The following CYP4F2 variants were observed in gnomAD, a reference collection of about 807,000 sequenced individuals.
CYP4F2 encodes cytochrome P450 4F2.
A neutral mutation model predicts 58.9 loss-of-function variants in CYP4F2; 58 were observed. That is an observed-to-expected ratio of 0.98 (90% CI 0.80 to 1.23). The LOEUF is 1.23. Among genes scored for constraint, CYP4F2 ranks in the 50% most tolerant of loss-of-function variants. The pLI is 0.00. For synonymous variants in CYP4F2, 287 were observed against 261.1 expected, an observed-to-expected ratio of 1.10 and a Z score of -0.95; for missense variants, 616 against 685.6, an observed-to-expected ratio of 0.90 and a Z score of 1.13.
At chr19:15,897,685 G>A in intron 1 of CYP4F2, 73 bp from the exon 2 acceptor site, 1 of 1,564,018 alleles carries the variant, frequency 6.4e-7, no homozygotes, top group South Asian at 1.1e-5. Flanking sequence ...AGGGACAGTG[G>A]AGAGGCAGGG....
At chr19:15,891,480 G>C (rs918795335) in intron 5 of CYP4F2, among the ~76,000 whole-genome samples, 3 of 151,952 alleles carry the variant, frequency 2.0e-5, no homozygotes, top group Non-Finnish European at 2.9e-5. Context: ...AAAAATCCTA[G>C]ATACTTCGCA....
In CYP4F2 at chr19:15,884,725, G is replaced by A. The variant is rs540401593; in HGVS notation, c.1115+1199C>T. On this transcript the variant is annotated intron_variant, in intron 9 of 12. Transcript: ENST00000221700. ...TGCTGTGCTGGGCAAAGGTGTGGAC[G>A]AGAGGACACTGAATCCAAGACATCC... is the stretch of plus-strand genomic sequence containing the variant. 3.3e-5 allele frequency among the ~76,000 whole-genome samples: 5 copies of A among 152,282 alleles called. No homozygotes were observed. In the South Asian group the frequency reaches 8.3e-4, roughly 25 times the overall value.
chr19:15,882,820 T>C (rs1485229069), intron 9 of CYP4F2, among the ~76,000 whole-genome samples: 1 of 152,208 alleles, frequency 6.6e-6, no homozygotes, highest in African/African-American at 2.4e-5. Flanking sequence ...TATAGTTTTC[T>C]TTACAAAGAA....
At chr19:15,886,179 C>G in intron 8 of CYP4F2, 63 bp downstream of exon 8, 3 of 1,611,854 alleles carry the variant, frequency 1.9e-6, no homozygotes, top group Admixed American at 3.3e-5. Flanking sequence ...GGGGGTCTAC[C>G]CACCCTGTTC....
chr19:15,884,573 A>G (rs1184363683), intron 9 of CYP4F2, among the ~76,000 whole-genome samples: 1 of 152,254 alleles, frequency 6.6e-6, no homozygotes, highest in Non-Finnish European at 1.5e-5. Flanking sequence ...ATATGAATGT[A>G]TTAGATTATC....
rs2089331915 is a variant in CYP4F2 at position 15,879,774 on chromosome 19, G to A, written c.1239C>T (p.Val413=). Residue 413 remains valine (V), a synonymous_variant, in exon 10 of 13, where the codon GTC becomes GTT. Transcript: ENST00000221700. ...TQDIVLPDGR[V]IPKGIICLIS... ...TGAGGCTGTGAGCACCTTTGGGGAT[G>A]ACCCGGCCGTCTGGGAGCACAATGT... 1 of 1,614,068 alleles carries A rather than the reference G, an allele frequency of 6.2e-7. No homozygotes were observed. The highest frequency in any genetic ancestry group is 8.5e-7 in the Non-Finnish European group (1 of 1,180,030).
intron 9 of CYP4F2, 130 bp from the exon 10 acceptor site, chr19:15,880,027 T>C (rs1427921432): frequency 1.9e-6 from 3 of 1,557,586 alleles, no homozygotes; most frequent in East Asian, 4.6e-5. Context: ...TGTTACAAAG[T>C]CGCAAGAATA....
At chr19:15,887,549 T>C (rs553153682) in intron 7 of CYP4F2, among the ~76,000 whole-genome samples, 20 of 146,394 alleles carry the variant, frequency 1.4e-4, no homozygotes, top group Non-Finnish European at 1.1e-4. Flanking sequence ...GTCACAGACT[T>C]AGAAACACAG....
intron 3 of CYP4F2, among the ~76,000 whole-genome samples, chr19:15,893,281 CCCAGA>C (rs915788857): frequency 1.3e-5 from 2 of 149,854 alleles, no homozygotes; most frequent in African/African-American, 5.1e-5. Context: ...GACCCTGGGT[CCCAGA>C]CCTCACACAA....
At position 15,878,201 on chromosome 19, in the gene CYP4F2, G is replaced by C. The variant is rs1381561864; in HGVS notation, c.*570C>G. The C allele has an allele frequency of 6.6e-6, 1 of 152,296 alleles. No homozygotes were observed. The highest frequency in any genetic ancestry group is 1.5e-5 in the Non-Finnish European group (1 of 68,166). 9.4% of individuals were successfully genotyped at this position (152,296 alleles called of 1,614,324 possible). On this transcript the variant is annotated 3_prime_UTR_variant, in exon 13 of 13. Transcript: ENST00000221700. ...AGTGTCCAATTCAATAGCATTTAGT[G>C]CACTCACAGTGTCGTGCTACCTTCG...
At chr19:15,885,697 A>G (rs1325658662) in intron 9 of CYP4F2, among the ~76,000 whole-genome samples, 2 of 152,090 alleles carry the variant, frequency 1.3e-5, no homozygotes, top group Non-Finnish European at 2.9e-5. Flanking sequence ...CTGTCCTCAC[A>G]TATCATCACC....
rs919190562 is a variant in CYP4F2, at chr19:15,886,060, G to C, written c.986-7C>G. 6 of 1,612,454 alleles carry C rather than the reference G, an allele frequency of 3.7e-6. No homozygotes were observed. The Admixed American group carries it at 5.0e-5, about 13-fold the overall frequency. On this transcript the variant is annotated splice_region_variant and splice_polypyrimidine_tract_variant and intron_variant, in intron 8 of 12. Transcript: ENST00000221700. ...CTGGCCGTGGTGTCATGGCCTGGGGGGCAGCAAGGCAGGCTTGGGTCTCTG... is the reference window on the plus strand; with the variant it reads ...CTGGCCGTGGTGTCATGGCCTGGGGCGCAGCAAGGCAGGCTTGGGTCTCTG...
intron 7 of CYP4F2, among the ~76,000 whole-genome samples, chr19:15,888,799 C>T (rs1014909332): frequency 3.9e-5 from 6 of 152,104 alleles, no homozygotes; most frequent in Non-Finnish European, 7.4e-5. Context: ...TAGCCATAGA[C>T]GAAGACATAG....
At chr19:15,889,814 C>T (rs2089406165) in intron 6 of CYP4F2, 121 bp from the exon 7 acceptor site, 10 of 1,412,358 alleles carry the variant, frequency 7.1e-6, no homozygotes, top group Non-Finnish European at 8.7e-6. Flanking sequence ...GAACAGATGA[C>T]CCCACAGATA....
intron 5 of CYP4F2, among the ~76,000 whole-genome samples, 195 bp downstream of exon 5, chr19:15,892,114 G>A (rs1005838557): frequency 6.6e-6 from 1 of 152,142 alleles, no homozygotes; most frequent in South Asian, 2.1e-4. Context: ...CACCAGAGAC[G>A]TGACTCCATT....
chr19:15,896,165 G>A (rs972454843), intron 2 of CYP4F2, among the ~76,000 whole-genome samples: 14 of 148,096 alleles, frequency 9.5e-5, no homozygotes, highest in Admixed American at 2.0e-4. Context: ...ATCTACCTAC[G>A]TGCCTGTCCA....
intron 9 of CYP4F2, among the ~76,000 whole-genome samples, chr19:15,882,783 A>T (rs1285105436): frequency 6.6e-6 from 1 of 152,234 alleles, no homozygotes. Flanking sequence ...GATCTCAGAG[A>T]TAATGTCCAG....
chr19:15,887,520 A>T (rs1379471345), intron 7 of CYP4F2, among the ~76,000 whole-genome samples: 1 of 110,130 alleles, frequency 9.1e-6, no homozygotes, highest in East Asian at 2.3e-4. Context: ...ATAGACACAG[A>T]CACACACACA....
At chr19:15,887,191 C>T (rs917784080) in intron 7 of CYP4F2, among the ~76,000 whole-genome samples, 3 of 147,038 alleles carry the variant, frequency 2.0e-5, no homozygotes, top group African/African-American at 4.9e-5. Flanking sequence ...GATATAGACA[C>T]AGACACACAC....
Sources: gnomAD v4.1 joint callset for allele counts (sites outside exome capture counted in the v4.1 genomes callset) on GRCh38, gnomAD v4.1.1 for gene constraint, MANE v1.5 for transcripts, NCBI Gene and HGNC (gene_info 2026-07-23, HGNC 2026-07-21) for gene names.